WWOX: variants seen among roughly 807,000 people sequenced by gnomAD.
WWOX encodes the protein WW domain-containing oxidoreductase.
WWOX carries 69 observed loss-of-function variants against 46.2 expected under a neutral mutation model. The observed-to-expected ratio is 1.49, with a 90% CI of 1.23 to 1.82. The LOEUF (loss-of-function observed/expected upper bound fraction) is 1.82, where lower values mean the gene tolerates loss of function less well. Ranked by LOEUF, WWOX falls within the 40% of genes most tolerant of loss-of-function variation. The probability of loss-of-function intolerance (pLI) is 0.00; values close to 1 mark genes in which losing one functional copy is unlikely to be tolerated. For missense variants in WWOX, 919 were observed against 542.6 expected (o/e 1.69, Z -6.89); for synonymous variants, 359 against 202.6 (o/e 1.77, Z -6.56).
chr16:78,172,970 A>G (rs2035211628), intron 5 of WWOX, among the ~76,000 whole-genome samples: 3 of 152,190 alleles, frequency 2.0e-5, no homozygotes, highest in African/African-American at 7.2e-5. Context: ...ATTGTGGGAC[A>G]TTTAGAGAAT....
chr16:78,966,060 G>C (rs956697002), intron 8 of WWOX, among the ~76,000 whole-genome samples: 2 of 152,190 alleles, frequency 1.3e-5, no homozygotes, highest in Non-Finnish European at 2.9e-5. Context: ...TGGATACACT[G>C]TGTGACCAGC....
chr16:78,440,810 G>A (rs528142948), intron 8 of WWOX, among the ~76,000 whole-genome samples: 2 of 151,922 alleles, frequency 1.3e-5, no homozygotes, highest in Non-Finnish European at 2.9e-5. Context: ...GTAGAAGCGG[G>A]GTTTCAACAT....
At position 78,637,929 on chromosome 16, in the gene WWOX, T is replaced by G. The variant is rs116941573; in HGVS notation, c.1056+205177T>G. ...TTGCAGGGTCCGTCCTTCCTCTGAG[T>G]TGGGGGAAGGGGTCTCCATGGTTTC... On this transcript the variant is annotated intron_variant, in intron 8 of 8. Coordinates refer to ENST00000566780, the MANE Select transcript of WWOX (RefSeq NM_016373.4). Among the ~76,000 whole-genome samples, 7 of 152,136 alleles carry G rather than the reference T, an allele frequency of 4.6e-5. No individual in the cohort carries two copies. In the East Asian group the frequency reaches 7.8e-4, roughly 17 times the overall value.
chr16:78,520,173 G>T (rs535954592), intron 8 of WWOX, among the ~76,000 whole-genome samples: 2 of 152,284 alleles, frequency 1.3e-5, no homozygotes, highest in Admixed American at 6.5e-5. Context: ...ATTCCTATGG[G>T]ATGAGTTCCC....
intron 8 of WWOX, among the ~76,000 whole-genome samples, chr16:78,710,381 A>G (rs1484452832): frequency 1.3e-5 from 2 of 149,362 alleles, no homozygotes; most frequent in African/African-American, 4.9e-5. Context: ...CTAACCCTCC[A>G]GAGCCTTCCG....
In WWOX at chr16:78,934,408, C is replaced by G. The variant is rs546566104; in HGVS notation, c.1057-277200C>G. ...CCTGTAGTCCTAGCTACTTGGAAGG[C>G]TAAAGCAGGAGGATCACTTGAGTCC... On this transcript the variant is annotated intron_variant, in intron 8 of 8. Coordinates refer to ENST00000566780, the MANE Select transcript of WWOX (RefSeq NM_016373.4). Among the ~76,000 whole-genome samples the G allele has an allele frequency of 1.2e-4, 17 of 144,390 alleles. No homozygotes were observed. The South Asian group carries it at 3.7e-3, about 32-fold the overall frequency. 94.7% of individuals were successfully genotyped at this position (144,390 alleles called of 152,430 possible).
intron 8 of WWOX, among the ~76,000 whole-genome samples, chr16:78,876,604 T>G (rs2044239442): frequency 6.6e-6 from 1 of 152,196 alleles, no homozygotes; most frequent in Non-Finnish European, 1.5e-5. Context: ...TATTTTGCTT[T>G]GGATAATTTT....
At chr16:78,764,380 C>G (rs2049875505) in intron 8 of WWOX, among the ~76,000 whole-genome samples, 1 of 150,996 alleles carries the variant, frequency 6.6e-6, no homozygotes, top group Admixed American at 6.6e-5. Flanking sequence ...GCCTCCTCCT[C>G]CAGGCCCACT....
At chr16:78,277,110 C>T (rs976833935) in intron 5 of WWOX, among the ~76,000 whole-genome samples, 1 of 152,030 alleles carries the variant, frequency 6.6e-6, no homozygotes, top group African/African-American at 2.4e-5. Context: ...TAACAGAGGG[C>T]AAAGAGTTTG....
chr16:78,246,478 G>A (rs1188311885), intron 5 of WWOX, among the ~76,000 whole-genome samples: 2 of 152,134 alleles, frequency 1.3e-5, no homozygotes, highest in African/African-American at 4.8e-5. Flanking sequence ...TCATAAAACA[G>A]TTAACAGGAA....
At chr16:78,446,163 A>G (rs1223208489) in intron 8 of WWOX, among the ~76,000 whole-genome samples, 1 of 152,230 alleles carries the variant, frequency 6.6e-6, no homozygotes, top group African/African-American at 2.4e-5. Flanking sequence ...ACTAGTTAGT[A>G]AACTATCAGT....
At chr16:78,246,280 G>A (rs548268052) in intron 5 of WWOX, among the ~76,000 whole-genome samples, 4 of 152,258 alleles carry the variant, frequency 2.6e-5, no homozygotes, top group South Asian at 2.1e-4. Context: ...AGCTGTGTAT[G>A]GAAAAAGCCT....
At chr16:79,178,834 CAA>C (rs2050853840) in intron 8 of WWOX, among the ~76,000 whole-genome samples, 1 of 152,084 alleles carries the variant, frequency 6.6e-6, no homozygotes, top group African/African-American at 2.4e-5. Context: ...ATAATAGAAA[CAA>C]TTTTTTTTGT....
chr16:78,801,549 A>T (rs531910220), intron 8 of WWOX, among the ~76,000 whole-genome samples: 1 of 152,284 alleles, frequency 6.6e-6, no homozygotes, highest in South Asian at 2.1e-4. Context: ...TCCGATGAGG[A>T]TATTTATCCT....
At chr16:78,370,515 T>G (rs13333745) in intron 5 of WWOX, among the ~76,000 whole-genome samples, 1 of 152,002 alleles carries the variant, frequency 6.6e-6, no homozygotes, top group East Asian at 1.9e-4. Context: ...TTGATTTTTT[T>G]ATGTCATTTT....
chr16:78,636,293 C>T (rs1457932687), intron 8 of WWOX, among the ~76,000 whole-genome samples: 1 of 152,124 alleles, frequency 6.6e-6, no homozygotes, highest in Non-Finnish European at 1.5e-5. Context: ...ATTGCTCTAC[C>T]AGACACCTCA....
chr16:78,115,016 G>T lies in WWOX; in HGVS notation c.271G>T (p.Ala91Ser). ...KRTTYLDPRL[A>S]FTVDDNPTKP... Reference sequence around the variant, plus strand: ...AACCACCTACTTGGACCCAAGACTGGCGTTTACTGTGGATGATAATCCGAC... The same window carrying T: ...AACCACCTACTTGGACCCAAGACTGTCGTTTACTGTGGATGATAATCCGAC... Residue 91 changes from alanine to serine, a missense_variant, in exon 4 of 9, where the codon GCG (alanine) becomes TCG (serine). By Grantham distance (99) the Ala-to-Ser change is moderately conservative. Coordinates refer to ENST00000566780, the MANE Select transcript of WWOX (RefSeq NM_016373.4). 1 of 1,614,204 alleles carries T rather than the reference G, an allele frequency of 6.2e-7. No homozygotes were observed. Among genetic ancestry groups the T allele is most frequent in the Non-Finnish European group, 8.5e-7 (1 of 1,180,048 alleles).
chr16:79,085,915 G>C (rs2048845866), intron 8 of WWOX, among the ~76,000 whole-genome samples: 1 of 152,012 alleles, frequency 6.6e-6, no homozygotes, highest in South Asian at 2.1e-4. Context: ...AGCCAGGCTT[G>C]GTGGTACATG....
chr16:78,980,443 C>T (rs2046658570), intron 8 of WWOX, among the ~76,000 whole-genome samples: 1 of 152,342 alleles, frequency 6.6e-6, no homozygotes, highest in Middle Eastern at 3.4e-3. Context: ...GAATTGACAA[C>T]ATCACAGTCA....
Sources: gnomAD v4.1 joint callset for allele counts (sites outside exome capture counted in the v4.1 genomes callset) on GRCh38, gnomAD v4.1.1 for gene constraint, MANE v1.5 for transcripts, NCBI Gene and HGNC (gene_info 2026-07-23, HGNC 2026-07-21) for gene names.